Variants in ADAM12 observed in about 807,000 individuals in gnomAD.
ADAM12 encodes disintegrin and metalloproteinase domain-containing protein 12.
Under a neutral mutation model 106.4 loss-of-function variants are expected in ADAM12, and 70 were observed. The observed-to-expected ratio is 0.66, with a 90% CI of 0.54 to 0.80. The LOEUF (loss-of-function observed/expected upper bound fraction) is 0.80, where lower values mean the gene tolerates loss of function less well. Among genes scored for constraint, ADAM12 ranks in the 30% least tolerant of loss-of-function variants. The pLI, the probability that ADAM12 is intolerant of heterozygous loss-of-function variation, is 0.00. For missense variants in ADAM12, 1,010 were observed against 1,171.9 expected (o/e 0.86, Z 2.02); for synonymous variants, 420 against 433.5 (o/e 0.97, Z 0.39).
At chr10:126,379,631 C>T (rs942316465) in intron 1 of ADAM12, among the ~76,000 whole-genome samples, 2 of 152,038 alleles carry the variant, frequency 1.3e-5, no homozygotes, top group East Asian at 1.9e-4. Flanking sequence ...CACCATGGCA[C>T]CTGTATACCT....
intron 3 of ADAM12, among the ~76,000 whole-genome samples, chr10:126,160,225 G>A (rs1956908152): frequency 1.3e-5 from 2 of 152,158 alleles, no homozygotes; most frequent in South Asian, 2.1e-4. Context: ...AATGTTACGT[G>A]CGCTCACCAC....
At chr10:126,336,490 C>A (rs185189608) in intron 1 of ADAM12, among the ~76,000 whole-genome samples, 4 of 152,272 alleles carry the variant, frequency 2.6e-5, no homozygotes, top group Non-Finnish European at 4.4e-5. Context: ...AAAACCTTGT[C>A]ACTGACAAGG....
intron 3 of ADAM12, among the ~76,000 whole-genome samples, chr10:126,165,218 A>T (rs901490660): frequency 1.2e-4 from 18 of 151,944 alleles, no homozygotes; most frequent in African/African-American, 4.4e-4. Context: ...CCCAGGCTGG[A>T]GTGCAGTGGT....
chr10:126,214,192 T>C (rs897450787), intron 3 of ADAM12, among the ~76,000 whole-genome samples: 1 of 152,174 alleles, frequency 6.6e-6, no homozygotes, highest in African/African-American at 2.4e-5. Flanking sequence ...TAAGGAATGA[T>C]TGTTGGCCGT....
intron 2 of ADAM12, among the ~76,000 whole-genome samples, chr10:126,312,114 G>A (rs1789362656): frequency 7.2e-6 from 1 of 138,536 alleles, no homozygotes; most frequent in South Asian, 2.4e-4. Flanking sequence ...TCCAAAGTTG[G>A]AGAATTGGTT....
intron 3 of ADAM12, among the ~76,000 whole-genome samples, chr10:126,219,329 T>C (rs1255406688): frequency 6.6e-6 from 1 of 152,138 alleles, no homozygotes; most frequent in Non-Finnish European, 1.5e-5. Context: ...TCTGCTCAGA[T>C]TGAACCATTG....
intron 2 of ADAM12, among the ~76,000 whole-genome samples, chr10:126,286,034 G>A (rs1479179329): frequency 5.4e-5 from 8 of 147,906 alleles, no homozygotes; most frequent in African/African-American, 1.8e-4. Context: ...TAATGTGTGC[G>A]ATTGGAGGCT....
chr10:126,354,804 G>GTT (rs200939789), intron 1 of ADAM12, among the ~76,000 whole-genome samples: 2 of 144,232 alleles, frequency 1.4e-5, no homozygotes, highest in African/African-American at 4.9e-5. Flanking sequence ...CACTGCTAAA[G>GTT]TTTGTTTTTT....
At chr10:126,129,608 A>G (rs1456345395) in intron 5 of ADAM12, among the ~76,000 whole-genome samples, 1 of 152,222 alleles carries the variant, frequency 6.6e-6, no homozygotes, top group African/African-American at 2.4e-5. Flanking sequence ...GGGAACCAGA[A>G]TGTAAAAAGG....
intron 6 of ADAM12, among the ~76,000 whole-genome samples, chr10:126,110,190 T>C (rs1156707082): frequency 6.6e-6 from 1 of 152,026 alleles, no homozygotes; most frequent in Non-Finnish European, 1.5e-5. Flanking sequence ...CAGTCAAAAG[T>C]CATTTATTTC....
intron 5 of ADAM12, among the ~76,000 whole-genome samples, chr10:126,130,907 A>G (rs1956292197): frequency 1.3e-5 from 2 of 152,206 alleles, no homozygotes; most frequent in African/African-American, 4.8e-5. Context: ...AGCTATTAGG[A>G]ACTCCTTGTA....
chr10:126,213,986 A>G (rs371370202), intron 3 of ADAM12, among the ~76,000 whole-genome samples: 120 of 152,126 alleles, frequency 7.9e-4, no homozygotes, highest in African/African-American at 2.8e-3. Flanking sequence ...AGAAAATAAC[A>G]TACTGATTAC....
rs139034375 is a variant in ADAM12, at chr10:126,213,269, G to A, written c.261-57964C>T. Among the ~76,000 whole-genome samples the A allele has an allele frequency of 8.0e-4, 122 of 152,210 alleles. 1 individual carries two copies. Among genetic ancestry groups the A allele is most frequent in the African/African-American group, 2.0e-3 (83 of 41,514 alleles). ...AAACAATAAAATGCTATAGGTTTTC[G>A]TTTTCACTTGACAACATAAATTTAG... On this transcript the variant is annotated intron_variant, in intron 3 of 22. Transcript: ENST00000448723.
intron 3 of ADAM12, 27 bp downstream of exon 3, chr10:126,278,888 T>A (rs542094249): frequency 1.3e-6 from 2 of 1,550,672 alleles, no homozygotes; most frequent in South Asian, 1.2e-5. Flanking sequence ...CTTTCTCCTA[T>A]CATGCAATAA....
At chr10:126,184,741 A>G (rs1015262186) in intron 3 of ADAM12, among the ~76,000 whole-genome samples, 1 of 152,190 alleles carries the variant, frequency 6.6e-6, no homozygotes, top group Admixed American at 6.5e-5. Flanking sequence ...TGTTGCAGGA[A>G]AAATGAACCC....
chr10:126,188,788 A>T (rs1261502721), intron 3 of ADAM12, among the ~76,000 whole-genome samples: 1 of 151,904 alleles, frequency 6.6e-6, no homozygotes, highest in African/African-American at 2.4e-5. Context: ...TCTATCCATC[A>T]TCCTTTCATC....
At chr10:126,308,339 C>T (rs1960938633) in intron 2 of ADAM12, among the ~76,000 whole-genome samples, 1 of 152,202 alleles carries the variant, frequency 6.6e-6, no homozygotes, top group Non-Finnish European at 1.5e-5. Flanking sequence ...AAGCCCCATT[C>T]CTCTTGCTGG....
At chr10:126,290,004 T>C (rs1481290434) in intron 2 of ADAM12, among the ~76,000 whole-genome samples, 1 of 152,194 alleles carries the variant, frequency 6.6e-6, no homozygotes, top group Non-Finnish European at 1.5e-5. Flanking sequence ...GACCTCACCC[T>C]GGATTATTCA....
intron 14 of ADAM12, among the ~76,000 whole-genome samples, chr10:126,058,770 C>G (rs922124493): frequency 6.6e-6 from 1 of 152,010 alleles, no homozygotes; most frequent in African/African-American, 2.4e-5. Context: ...TGCCATCTGG[C>G]ATTTATCTTA....
Sources: gnomAD v4.1 joint callset for allele counts (sites outside exome capture counted in the v4.1 genomes callset) on GRCh38, gnomAD v4.1.1 for gene constraint, MANE v1.5 for transcripts, NCBI Gene and HGNC (gene_info 2026-07-23, HGNC 2026-07-21) for gene names.